The following PRKCQ variants were observed in gnomAD, a reference collection of about 807,000 sequenced individuals.
PRKCQ encodes protein kinase C theta type.
PRKCQ carries 41 observed loss-of-function variants against 91.2 expected under a neutral mutation model. The observed-to-expected ratio is 0.45, with a 90% CI of 0.35 to 0.58. PRKCQ has a LOEUF of 0.58. Ranked by LOEUF, PRKCQ falls within the 20% of genes least tolerant of loss-of-function variation. The pLI is 0.00. For synonymous variants in PRKCQ, 307 were observed against 316.9 expected (o/e 0.97, Z 0.33); for missense variants, 673 against 896.5 (o/e 0.75, Z 3.18).
At chr10:6,568,040 C>A (rs545433259) in intron 1 of PRKCQ, among the ~76,000 whole-genome samples, 1 of 152,156 alleles carries the variant, frequency 6.6e-6, no homozygotes, top group South Asian at 2.1e-4. Context: ...GAGTTGGAGA[C>A]CAGCCTGGCC....
chr10:6,553,466 G>A (rs1840267964), intron 1 of PRKCQ, among the ~76,000 whole-genome samples: 1 of 144,182 alleles, frequency 6.9e-6, no homozygotes, highest in Admixed American at 7.0e-5. Context: ...CTCCAGCCTG[G>A]GTGACAGAGC....
At chr10:6,484,940 A>G (rs912237760) in intron 10 of PRKCQ, among the ~76,000 whole-genome samples, 3 of 152,146 alleles carry the variant, frequency 2.0e-5, no homozygotes, top group African/African-American at 7.2e-5. Context: ...TTCCCTCCAG[A>G]CCTATCCCAT....
the PRKCQ span, among the ~76,000 whole-genome samples, chr10:6,410,701 G>A: frequency 6.6e-6 from 1 of 152,210 alleles, no homozygotes; most frequent in African/African-American, 2.4e-5. Context: ...AGTCTTGTCT[G>A]GCAGGGTGCA....
chr10:6,402,691 C>A, the PRKCQ span, among the ~76,000 whole-genome samples: 2 of 152,208 alleles, frequency 1.3e-5, no homozygotes, highest in Non-Finnish European at 2.9e-5. Flanking sequence ...AATCCCAGCA[C>A]TTGAGGTCAA....
chr10:6,537,847 G>A (rs1839641075), intron 1 of PRKCQ, among the ~76,000 whole-genome samples: 1 of 152,340 alleles, frequency 6.6e-6, no homozygotes. Context: ...GGGAGGGCAA[G>A]CTAACTTTCC....
the PRKCQ span, among the ~76,000 whole-genome samples, chr10:6,414,227 G>A: frequency 6.6e-6 from 1 of 152,200 alleles, no homozygotes; most frequent in Non-Finnish European, 1.5e-5. Context: ...GTCTGCAGGA[G>A]ATCTTAAGCA....
intron 1 of PRKCQ, among the ~76,000 whole-genome samples, chr10:6,522,861 A>C (rs937465701): frequency 6.6e-6 from 1 of 152,260 alleles, no homozygotes. Context: ...ACATCTGCTC[A>C]GCCAAATTTG....
chr10:6,422,718 C>G (rs1213826112), downstream of PRKCQ, among the ~76,000 whole-genome samples: 1 of 152,172 alleles, frequency 6.6e-6, no homozygotes, highest in East Asian at 1.9e-4. Context: ...GGGAGTAGGG[C>G]AGTTGGTGCA....
chr10:6,578,468 C>T (rs1169305815), intron 1 of PRKCQ, among the ~76,000 whole-genome samples: 2 of 152,208 alleles, frequency 1.3e-5, no homozygotes, highest in Non-Finnish European at 2.9e-5. Flanking sequence ...TGGTGCCCAG[C>T]AGGTTACTCT....
chr10:6,575,009 G>T (rs1841177493), intron 1 of PRKCQ, among the ~76,000 whole-genome samples: 1 of 152,182 alleles, frequency 6.6e-6, no homozygotes, highest in African/African-American at 2.4e-5. Context: ...CTTGGTATGT[G>T]TCAGGCCCTG....
intron 1 of PRKCQ, among the ~76,000 whole-genome samples, chr10:6,550,491 C>G (rs952581981): frequency 6.6e-6 from 1 of 152,202 alleles, no homozygotes; most frequent in Non-Finnish European, 1.5e-5. Flanking sequence ...CCAGGCTGGT[C>G]TCAAACTCCT....
chr10:6,553,884 T>C (rs1301666413), intron 1 of PRKCQ, among the ~76,000 whole-genome samples: 1 of 152,122 alleles, frequency 6.6e-6, no homozygotes, highest in Non-Finnish European at 1.5e-5. Context: ...AATGTGACTA[T>C]AATTTTATAC....
At chr10:6,560,067 G>GA in intron 1 of PRKCQ, among the ~76,000 whole-genome samples, 1 of 152,280 alleles carries the variant, frequency 6.6e-6, no homozygotes, top group Non-Finnish European at 1.5e-5. Context: ...TAAACGCCCA[G>GA]AAAAAGCCCT....
chr10:6,553,213 A>C (rs535973198), intron 1 of PRKCQ, among the ~76,000 whole-genome samples: 21 of 152,194 alleles, frequency 1.4e-4, no homozygotes, highest in Non-Finnish European at 3.1e-4. Context: ...CCTGGACCAC[A>C]CTTTGAGAAC....
At chr10:6,509,718 CT>C (rs1368335785) in intron 3 of PRKCQ, among the ~76,000 whole-genome samples, 1 of 152,146 alleles carries the variant, frequency 6.6e-6, no homozygotes, top group East Asian at 1.9e-4. Context: ...CCCAGGAACC[CT>C]TTTCCCAAGC....
intron 1 of PRKCQ, among the ~76,000 whole-genome samples, chr10:6,572,950 T>C: frequency 6.6e-6 from 1 of 152,222 alleles, no homozygotes; most frequent in East Asian, 1.9e-4. Context: ...AGATGGTAAC[T>C]GATTGTGGTT....
At chr10:6,532,686 G>T (rs1839435975) in intron 1 of PRKCQ, among the ~76,000 whole-genome samples, 1 of 152,236 alleles carries the variant, frequency 6.6e-6, no homozygotes, top group African/African-American at 2.4e-5. Flanking sequence ...AGAGCAGAAG[G>T]TAGATGGAGT....
At chr10:6,399,046 A>AATACAATG in the PRKCQ span, among the ~76,000 whole-genome samples, 12 of 152,200 alleles carry the variant, frequency 7.9e-5, no homozygotes, top group African/African-American at 1.9e-4. Flanking sequence ...CAGGCATATC[A>AATACAATG]ATACAATGAT....
intron 1 of PRKCQ, among the ~76,000 whole-genome samples, chr10:6,564,458 G>A (rs1320104745): frequency 6.6e-6 from 1 of 152,064 alleles, no homozygotes; most frequent in East Asian, 1.9e-4. Context: ...GCCCCTCCTT[G>A]ATCTTGCCTG....
Sources: gnomAD v4.1 joint callset for allele counts (sites outside exome capture counted in the v4.1 genomes callset) on GRCh38, gnomAD v4.1.1 for gene constraint, MANE v1.5 for transcripts, NCBI Gene and HGNC (gene_info 2026-07-23, HGNC 2026-07-21) for gene names.